The following KSR2 variants were observed in gnomAD, a reference collection of about 807,000 sequenced individuals.
KSR2 encodes kinase suppressor of ras 2.
A neutral mutation model predicts 107.8 loss-of-function variants in KSR2; 25 were observed. That is an observed-to-expected ratio of 0.23 (90% CI 0.17 to 0.32). The LOEUF is 0.32. Ranked by LOEUF, KSR2 falls within the 10% of genes least tolerant of loss-of-function variation. The pLI is 1.00. For missense variants in KSR2, 887 were observed against 1,268.9 expected (o/e 0.70, Z 4.57); for synonymous variants, 480 against 507.0 (o/e 0.95, Z 0.71).
At position 117,454,972 on chromosome 12, in the gene KSR2, G is replaced by A. The variant is rs572638634; in HGVS notation, c.*12227C>T. 4.0e-5 allele frequency: 6 copies of A among 151,876 alleles called. No homozygotes were observed. The highest frequency in any genetic ancestry group is 2.0e-4 in the Admixed American group (3 of 15,238). 9.4% of individuals were successfully genotyped at this position (151,876 alleles called of 1,614,324 possible). On this transcript the variant is annotated 3_prime_UTR_variant, in exon 20 of 20. Transcript: ENST00000339824. ...ACCCAATGCAGGGCACTAAGAAATA[G>A]AGACACATCCTTCACTGTGTGGAGG...
chr12:117,488,043 C>T (rs1872561119), intron 14 of KSR2, among the ~76,000 whole-genome samples: 1 of 152,132 alleles, frequency 6.6e-6, no homozygotes, highest in African/African-American at 2.4e-5. Flanking sequence ...TACTGTTCTC[C>T]TGGTATTGAA....
intron 3 of KSR2, among the ~76,000 whole-genome samples, chr12:117,779,585 G>T (rs1889810743): frequency 6.6e-6 from 1 of 152,162 alleles, no homozygotes; most frequent in Admixed American, 6.5e-5. Flanking sequence ...GTCAAGGGAG[G>T]GACCTGGTGG....
intron 1 of KSR2, among the ~76,000 whole-genome samples, chr12:117,956,719 G>A (rs1896529700): frequency 6.6e-6 from 1 of 151,838 alleles, no homozygotes; most frequent in Non-Finnish European, 1.5e-5. Context: ...TTGAGCTCAG[G>A]GGTTCAAGGC....
intron 16 of KSR2, among the ~76,000 whole-genome samples, chr12:117,476,835 C>G (rs1871814874): frequency 6.6e-6 from 1 of 152,248 alleles, no homozygotes; most frequent in Non-Finnish European, 1.5e-5. Flanking sequence ...CACCCACCTT[C>G]TTGCCCATCT....
chr12:117,943,378 A>G (rs561344572), intron 1 of KSR2, among the ~76,000 whole-genome samples: 2 of 152,132 alleles, frequency 1.3e-5, no homozygotes, highest in South Asian at 4.1e-4. Flanking sequence ...CATCATGTAC[A>G]ACTACAAAAG....
At chr12:117,557,019 G>A (rs934857855) in intron 8 of KSR2, among the ~76,000 whole-genome samples, 8 of 152,186 alleles carry the variant, frequency 5.3e-5, no homozygotes, top group African/African-American at 1.9e-4. Flanking sequence ...CCAAAAAGCA[G>A]CTGGGTATGG....
At chr12:117,924,558 G>A (rs1402513490) in intron 1 of KSR2, among the ~76,000 whole-genome samples, 1 of 115,634 alleles carries the variant, frequency 8.6e-6, no homozygotes, top group Admixed American at 1.1e-4. Flanking sequence ...GCTGACAAGA[G>A]TGAAGCTCCA....
chr12:117,596,851 G>T (rs2063943), intron 5 of KSR2, among the ~76,000 whole-genome samples: 80,822 of 152,054 alleles, frequency 0.53, 22,437 homozygotes, highest in East Asian at 0.75. Context: ...CAAGCACCAT[G>T]CTCACTATAG....
In KSR2 at chr12:117,619,667, A is replaced by T. The variant is rs185908303; in HGVS notation, c.1172-37308T>A. On this transcript the variant is annotated intron_variant, in intron 5 of 19. Transcript: ENST00000339824. ...GAGTGTTGTTATTAGTATTTTTAACATTAATTTTCAATGTTAAAAATACTA... is the reference window on the plus strand; with the variant it reads ...GAGTGTTGTTATTAGTATTTTTAACTTTAATTTTCAATGTTAAAAATACTA... Among the ~76,000 whole-genome samples the T allele has an allele frequency of 1.1e-3, 161 of 151,326 alleles. 1 individual carries two copies. The highest frequency in any genetic ancestry group is 3.4e-3 in the African/African-American group (141 of 41,302).
At chr12:117,557,752 A>G (rs903664703) in intron 8 of KSR2, among the ~76,000 whole-genome samples, 1 of 152,220 alleles carries the variant, frequency 6.6e-6, no homozygotes, top group Non-Finnish European at 1.5e-5. Context: ...TGTATTGGGG[A>G]GCACATGTCC....
intron 4 of KSR2, among the ~76,000 whole-genome samples, chr12:117,743,323 T>C (rs1292626482): frequency 6.6e-6 from 1 of 152,266 alleles, no homozygotes; most frequent in African/African-American, 2.4e-5. Context: ...AATGGCACGA[T>C]CTGTCTTGGG....
intron 4 of KSR2, among the ~76,000 whole-genome samples, chr12:117,672,425 C>T (rs1311925788): frequency 1.3e-5 from 2 of 152,064 alleles, no homozygotes; most frequent in Admixed American, 1.3e-4. Flanking sequence ...AATACTAACA[C>T]CAATCTCAGA....
intron 5 of KSR2, among the ~76,000 whole-genome samples, chr12:117,652,068 C>A (rs1262625761): frequency 6.6e-6 from 1 of 152,118 alleles, no homozygotes; most frequent in Non-Finnish European, 1.5e-5. Flanking sequence ...AATGGAAAAC[C>A]AAACATTGTA....
chr12:117,579,244 G>C lies in KSR2; in HGVS notation c.1242-42C>G, dbSNP rs1046483172. The stretch of plus-strand genomic sequence containing the variant: ...GAAAATGTTCAAGGTTAAGGAAATG[G>C]CGACTGACCTATCTCTAGAGGGATG... On this transcript the variant is annotated intron_variant, in intron 6 of 19. Transcript: ENST00000339824. 4.3e-6 allele frequency: 6 copies of C among 1,382,774 alleles called. No homozygotes were observed. In the Admixed American group the frequency reaches 8.7e-5, roughly 20 times the overall value. The allele number at this position is 1,382,774 out of a possible 1,614,324, so 85.7% of individuals were successfully genotyped here.
At chr12:117,597,216 G>A (rs1227708732) in intron 5 of KSR2, among the ~76,000 whole-genome samples, 12 of 152,164 alleles carry the variant, frequency 7.9e-5, no homozygotes, top group Admixed American at 7.9e-4. Context: ...TAGTCACTGT[G>A]GTAGACTGAA....
At chr12:117,767,392 G>A (rs540888421) in intron 3 of KSR2, among the ~76,000 whole-genome samples, 9 of 150,904 alleles carry the variant, frequency 6.0e-5, no homozygotes, top group South Asian at 2.1e-4. Flanking sequence ...AGCCGAGATC[G>A]CTCCACTGCA....
chr12:117,470,097 T>TCCATCCATCC (rs1200284379), intron 18 of KSR2, among the ~76,000 whole-genome samples: 1 of 151,744 alleles, frequency 6.6e-6, no homozygotes, highest in Non-Finnish European at 1.5e-5. Context: ...CCATATATGA[T>TCCATCCATCC]CCATCCATCC....
chr12:117,499,040 T>C (rs1279839803), intron 14 of KSR2, among the ~76,000 whole-genome samples: 1 of 152,220 alleles, frequency 6.6e-6, no homozygotes, highest in Non-Finnish European at 1.5e-5. Context: ...AGTAATGAAC[T>C]TTGAGCCTCT....
intron 16 of KSR2, among the ~76,000 whole-genome samples, chr12:117,477,496 A>C (rs971628775): frequency 6.6e-6 from 1 of 152,216 alleles, no homozygotes; most frequent in African/African-American, 2.4e-5. Context: ...GAAGACAACA[A>C]ATGAGTTCAA....
Sources: gnomAD v4.1 joint callset for allele counts (sites outside exome capture counted in the v4.1 genomes callset) on GRCh38, gnomAD v4.1.1 for gene constraint, MANE v1.5 for transcripts, NCBI Gene and HGNC (gene_info 2026-07-23, HGNC 2026-07-21) for gene names.